The following GRID2 variants were observed in gnomAD, a reference collection of about 807,000 sequenced individuals.
The protein encoded by GRID2 is glutamate ionotropic receptor delta type subunit 2.
A neutral mutation model predicts 114.8 loss-of-function variants in GRID2; 33 were observed. The ratio of observed to expected loss-of-function variants is 0.29; its 90% CI spans 0.22 to 0.38. The LOEUF is 0.38. GRID2 is among the 10% of genes least tolerant of loss of function. The pLI is 1.00. For missense variants in GRID2, 1,184 were observed against 1,257.7 expected, an observed-to-expected ratio of 0.94 and a Z score of 0.89; for synonymous variants, 505 against 449.9, an observed-to-expected ratio of 1.12 and a Z score of -1.55.
At chr4:93,526,233 G>T (rs1002535827) in intron 13 of GRID2, among the ~76,000 whole-genome samples, 1 of 152,034 alleles carries the variant, frequency 6.6e-6, no homozygotes, top group Non-Finnish European at 1.5e-5. Flanking sequence ...ATATTTCCTC[G>T]ATTTCACACT....
intron 2 of GRID2, among the ~76,000 whole-genome samples, chr4:92,658,353 T>C (rs888586748): frequency 6.6e-6 from 1 of 151,702 alleles, no homozygotes; most frequent in East Asian, 1.9e-4. Flanking sequence ...GAATCCACAG[T>C]ATATATAACT....
At chr4:93,328,909 C>G (rs1285280432) in intron 8 of GRID2, among the ~76,000 whole-genome samples, 1 of 152,158 alleles carries the variant, frequency 6.6e-6, no homozygotes, top group Non-Finnish European at 1.5e-5. Context: ...AAGGATAAAA[C>G]TCTAGAGAAG....
chr4:93,756,036 A>G (rs539852927), intron 14 of GRID2, among the ~76,000 whole-genome samples: 1 of 152,358 alleles, frequency 6.6e-6, no homozygotes, highest in South Asian at 2.1e-4. Flanking sequence ...TGTGGTAAAA[A>G]GTGAAACACC....
At chr4:93,424,111 A>G (rs1451182077) in intron 10 of GRID2, among the ~76,000 whole-genome samples, 1 of 147,400 alleles carries the variant, frequency 6.8e-6, no homozygotes, top group East Asian at 1.9e-4. Flanking sequence ...TTTTATTTGT[A>G]CTCACTCCTT....
intron 4 of GRID2, among the ~76,000 whole-genome samples, chr4:93,190,956 A>G (rs1274718546): frequency 2.0e-5 from 3 of 152,036 alleles, no homozygotes; most frequent in Admixed American, 2.0e-4. Context: ...CTTACAGTAG[A>G]TAATCTACAA....
intron 1 of GRID2, among the ~76,000 whole-genome samples, chr4:93,802,410 CAGAGAGAGAGAA>C (rs1734950722): frequency 6.6e-6 from 1 of 151,086 alleles, no homozygotes; most frequent in Non-Finnish European, 1.5e-5. Flanking sequence ...GTGTGTGTGA[CAGAGAGAGAGAA>C]AGAGAGAGAG....
intron 10 of GRID2, among the ~76,000 whole-genome samples, chr4:93,431,398 A>G (rs1470408849): frequency 6.6e-6 from 1 of 152,228 alleles, no homozygotes. Flanking sequence ...GAAAGCTGTC[A>G]CTTAAGAATT....
intron 11 of GRID2, among the ~76,000 whole-genome samples, chr4:93,482,678 G>A (rs1209110730): frequency 6.6e-6 from 1 of 151,870 alleles, no homozygotes; most frequent in Non-Finnish European, 1.5e-5. Flanking sequence ...TTCTGCACGT[G>A]TATCCCAGAA....
At chr4:93,696,611 A>G (rs1270769962) in intron 14 of GRID2, among the ~76,000 whole-genome samples, 1 of 152,198 alleles carries the variant, frequency 6.6e-6, no homozygotes, top group African/African-American at 2.4e-5. Context: ...CCTGCAGGTT[A>G]GTTACATATG....
chr4:93,112,437 A>G (rs1405947867), intron 4 of GRID2, among the ~76,000 whole-genome samples: 1 of 151,910 alleles, frequency 6.6e-6, no homozygotes, highest in Non-Finnish European at 1.5e-5. Context: ...ATAGTGAGGG[A>G]GTTCTCATGA....
At chr4:93,783,433 A>G (rs762018585) in intron 1 of GRID2, among the ~76,000 whole-genome samples, 45 of 152,332 alleles carry the variant, frequency 3.0e-4, no homozygotes, top group Non-Finnish European at 5.1e-4. Flanking sequence ...ATGGAGGTAA[A>G]TGGTCCTTCT....
intron 2 of GRID2, among the ~76,000 whole-genome samples, chr4:92,878,520 A>G (rs1290484882): frequency 6.6e-6 from 1 of 152,092 alleles, no homozygotes; most frequent in East Asian, 1.9e-4. Context: ...TTGAACTTTA[A>G]AAGTCTCTAT....
intron 2 of GRID2, among the ~76,000 whole-genome samples, chr4:93,081,517 T>TA (rs1729868761): frequency 6.6e-6 from 1 of 152,110 alleles, no homozygotes; most frequent in Non-Finnish European, 1.5e-5. Context: ...TTAAAAATAA[T>TA]AAAAATAATA....
At chr4:92,399,963 A>AT (rs1419105086) in intron 1 of GRID2, among the ~76,000 whole-genome samples, 6 of 152,244 alleles carry the variant, frequency 3.9e-5, no homozygotes, top group African/African-American at 1.4e-4. Context: ...GCTGGAAAAG[A>AT]TTTTAAAGAT....
At chr4:92,662,590 TAAAA>T (rs533754139) in intron 2 of GRID2, among the ~76,000 whole-genome samples, 1 of 144,648 alleles carries the variant, frequency 6.9e-6, no homozygotes, top group African/African-American at 2.5e-5. Context: ...GGATAAAGAA[TAAAA>T]AAAAAAGGTA....
intron 8 of GRID2, among the ~76,000 whole-genome samples, chr4:93,269,538 A>T (rs1476082715): frequency 6.6e-6 from 1 of 152,222 alleles, no homozygotes; most frequent in African/African-American, 2.4e-5. Flanking sequence ...GTGGCAACTG[A>T]AAATCTCAAC....
rs144764151 is a variant in GRID2 at position 92,625,506 on chromosome 4, G to A, written c.244+35220G>A. ...ATTGGAACCAGGGAAATAGTGTTTCGATTTATACTATGAGATAGTAATACA... is the reference window on the plus strand; with the variant it reads ...ATTGGAACCAGGGAAATAGTGTTTCAATTTATACTATGAGATAGTAATACA... On this transcript the variant is annotated intron_variant, in intron 2 of 15. Transcript: ENST00000282020. 1.9e-3 allele frequency among the ~76,000 whole-genome samples: 283 copies of A among 151,820 alleles called. 1 individual carries two copies. Among genetic ancestry groups the A allele is most frequent in the Middle Eastern group, 3.4e-3 (1 of 292 alleles).
intron 4 of GRID2, among the ~76,000 whole-genome samples, chr4:93,144,907 G>A (rs904304821): frequency 2.6e-5 from 4 of 152,124 alleles, no homozygotes; most frequent in Admixed American, 6.5e-5. Flanking sequence ...AAGTATCAGG[G>A]AACAGTGGGA....
At chr4:93,207,234 A>G (rs550345254) in intron 4 of GRID2, among the ~76,000 whole-genome samples, 170 bp from the exon 5 acceptor site, 2 of 152,232 alleles carry the variant, frequency 1.3e-5, no homozygotes, top group African/African-American at 4.8e-5. Context: ...TGTATGTCAA[A>G]TGCAAATGCA....
Sources: gnomAD v4.1 joint callset for allele counts (sites outside exome capture counted in the v4.1 genomes callset) on GRCh38, gnomAD v4.1.1 for gene constraint, MANE v1.5 for transcripts, NCBI Gene and HGNC (gene_info 2026-07-23, HGNC 2026-07-21) for gene names.